Variants in SORCS2 observed in about 807,000 individuals in gnomAD.
SORCS2 encodes sortilin related VPS10 domain containing receptor 2, also known as VPS10 domain-containing receptor SorCS2.
SORCS2 carries 100 observed loss-of-function variants against 141.6 expected under a neutral mutation model. That is an observed-to-expected ratio of 0.71 (90% CI 0.60 to 0.83). The LOEUF (loss-of-function observed/expected upper bound fraction) is 0.83. Ranked by LOEUF, SORCS2 falls within the 40% of genes least tolerant of loss-of-function variation. SORCS2 has a pLI of 0.00. For missense variants in SORCS2, 1,646 were observed against 1,560.2 expected (o/e 1.05, Z -0.93); for synonymous variants, 789 against 676.9 (o/e 1.17, Z -2.57).
intron 9 of SORCS2, among the ~76,000 whole-genome samples, chr4:7,678,183 C>G (rs538274599): frequency 6.6e-6 from 1 of 152,206 alleles, no homozygotes; most frequent in African/African-American, 2.4e-5. Context: ...GGGCGGTTGG[C>G]CAGCCTGGGG....
chr4:7,705,434 C>T (rs545581551), intron 14 of SORCS2, among the ~76,000 whole-genome samples: 13 of 152,362 alleles, frequency 8.5e-5, no homozygotes, highest in South Asian at 2.1e-4. Flanking sequence ...AGTAGCCCCA[C>T]GAGGCTGCCG....
intron 1 of SORCS2, among the ~76,000 whole-genome samples, chr4:7,250,494 G>A (rs1713423680): frequency 6.6e-6 from 1 of 152,214 alleles, no homozygotes; most frequent in Non-Finnish European, 1.5e-5. Context: ...ATTTTTGTAT[G>A]TTTCCATAGA....
chr4:7,646,089 C>T (rs375172196), intron 4 of SORCS2, among the ~76,000 whole-genome samples: 1 of 152,268 alleles, frequency 6.6e-6, no homozygotes, highest in Non-Finnish European at 1.5e-5. Flanking sequence ...TCCGGGCTAC[C>T]GCTGGTGCCG....
chr4:7,690,095 G>A (rs1444037956), intron 11 of SORCS2, among the ~76,000 whole-genome samples: 2 of 143,140 alleles, frequency 1.4e-5, no homozygotes, highest in African/African-American at 5.2e-5. Flanking sequence ...TAGATGAATG[G>A]ATGGATGATA....
At chr4:7,396,392 C>A (rs1222311593) in intron 2 of SORCS2, 37 bp downstream of exon 2, 16 of 1,604,922 alleles carry the variant, frequency 1.0e-5, no homozygotes, top group Non-Finnish European at 1.3e-5. Flanking sequence ...CTCTTATGCA[C>A]CTGCGTGCCA....
chr4:7,212,906 C>T (rs575843829), intron 1 of SORCS2, among the ~76,000 whole-genome samples: 2 of 152,316 alleles, frequency 1.3e-5, no homozygotes, highest in South Asian at 4.1e-4. Flanking sequence ...TCTTGAACCT[C>T]TTCTGGTCTC....
intron 3 of SORCS2, among the ~76,000 whole-genome samples, chr4:7,616,170 A>G (rs538662539): frequency 3.8e-4 from 58 of 152,230 alleles, no homozygotes; most frequent in African/African-American, 1.3e-3. Context: ...CATCTCCCTG[A>G]GCCCTACATC....
In SORCS2 at chr4:7,728,909, C is replaced by A. The variant is rs146499181; in HGVS notation, c.2982+447C>A. 2.7e-3 allele frequency among the ~76,000 whole-genome samples: 413 copies of A among 152,316 alleles called. 1 individual carries two copies. Among genetic ancestry groups the A allele is most frequent in the African/African-American group, 9.0e-3 (374 of 41,560 alleles). On this transcript the variant is annotated intron_variant, in intron 22 of 26. Coordinates refer to ENST00000507866, the MANE Select transcript of SORCS2 (RefSeq NM_020777.3). The stretch of plus-strand genomic sequence containing the variant: ...AGACATCAGGGCGGGCTGTAGCACA[C>A]CCAAGGCCCTTGGCCCCCAAGTGAG...
chr4:7,587,458 C>T (rs1017110338), intron 3 of SORCS2, among the ~76,000 whole-genome samples: 1 of 152,196 alleles, frequency 6.6e-6, no homozygotes, highest in Non-Finnish European at 1.5e-5. Context: ...GAGCCAGGCT[C>T]CTAGGAGTTT....
intron 18 of SORCS2, 93 bp from the exon 19 acceptor site, chr4:7,723,604 T>A: frequency 7.2e-7 from 1 of 1,395,672 alleles, no homozygotes. Context: ...CGGCAATGAA[T>A]GAATGAGTGA....
At chr4:7,242,751 GC>G (rs1712788908) in intron 1 of SORCS2, among the ~76,000 whole-genome samples, 1 of 152,158 alleles carries the variant, frequency 6.6e-6, no homozygotes, top group African/African-American at 2.4e-5. Context: ...AGACTCCGTG[GC>G]CATTACTTCC....
intron 3 of SORCS2, among the ~76,000 whole-genome samples, chr4:7,551,210 G>A (rs906319308): frequency 3.3e-5 from 5 of 152,150 alleles, no homozygotes; most frequent in Admixed American, 6.5e-5. Context: ...ATCTCTCAGC[G>A]GAGCCTCCTC....
intron 1 of SORCS2, among the ~76,000 whole-genome samples, chr4:7,294,495 C>T (rs1156597332): frequency 6.8e-6 from 1 of 147,120 alleles, no homozygotes; most frequent in Non-Finnish European, 1.5e-5. Context: ...GAGCACCTGC[C>T]CCAGGGAGCT....
At chr4:7,386,793 GCC>G (rs1299812522) in intron 1 of SORCS2, among the ~76,000 whole-genome samples, 2 of 10,248 alleles carry the variant, frequency 2.0e-4, no homozygotes, top group African/African-American at 7.7e-4. Flanking sequence ...ACACACACAT[GCC>G]CACCATACAC....
intron 4 of SORCS2, 71 bp downstream of exon 4, chr4:7,638,563 C>A: frequency 6.7e-7 from 1 of 1,489,046 alleles, no homozygotes; most frequent in Non-Finnish European, 9.0e-7. Context: ...GAGGTGAGTG[C>A]CCACTTGGAG....
intron 12 of SORCS2, among the ~76,000 whole-genome samples, chr4:7,701,563 T>C (rs1278284763): frequency 1.3e-5 from 2 of 152,150 alleles, no homozygotes; most frequent in Non-Finnish European, 2.9e-5. Flanking sequence ...TGGTAGGATT[T>C]GGGCTTGACT....
chr4:7,400,487 C>T (rs1724505887), intron 2 of SORCS2, among the ~76,000 whole-genome samples: 3 of 150,638 alleles, frequency 2.0e-5, no homozygotes, highest in South Asian at 4.2e-4. Context: ...CCACCACCAC[C>T]ACTAGAACAT....
intron 2 of SORCS2, among the ~76,000 whole-genome samples, chr4:7,466,459 A>AGG (rs1729623183): frequency 1.3e-5 from 2 of 152,186 alleles, no homozygotes; most frequent in Admixed American, 1.3e-4. Context: ...GTATGGGGGC[A>AGG]GGGGGTGCAT....
At chr4:7,631,137 T>G (rs538667419) in intron 3 of SORCS2, among the ~76,000 whole-genome samples, 1 of 150,536 alleles carries the variant, frequency 6.6e-6, no homozygotes, top group Non-Finnish European at 1.5e-5. Flanking sequence ...GGCACCACCT[T>G]TTGGAGGAGA....
Sources: gnomAD v4.1 joint callset for allele counts (sites outside exome capture counted in the v4.1 genomes callset) on GRCh38, gnomAD v4.1.1 for gene constraint, MANE v1.5 for transcripts, NCBI Gene and HGNC (gene_info 2026-07-23, HGNC 2026-07-21) for gene names.